Variants in CROCC observed in about 807,000 individuals in gnomAD.
The protein encoded by CROCC is rootletin.
In CROCC, 180 loss-of-function variants were observed where a neutral mutation model predicts 245.2. The ratio of observed to expected loss-of-function variants is 0.73; its 90% CI spans 0.65 to 0.83. The LOEUF (loss-of-function observed/expected upper bound fraction) is 0.83. Among genes scored for constraint, CROCC ranks in the 40% least tolerant of loss-of-function variants. The pLI is 0.00. For synonymous variants in CROCC, 1,205 were observed against 1,241.6 expected (o/e 0.97, Z 0.62); for missense variants, 2,688 against 2,779.4 (o/e 0.97, Z 0.74).
At chr1:16,935,163 GT>G (rs1435174979) in intron 8 of CROCC, among the ~76,000 whole-genome samples, 3 of 152,306 alleles carry the variant, frequency 2.0e-5, no homozygotes, top group South Asian at 4.1e-4. Context: ...GCTTCGCAAA[GT>G]GCTGGGATTA....
At chr1:16,955,904 G>A (rs2076242993) in intron 24 of CROCC, 93 bp from the exon 25 acceptor site, 3 of 1,467,004 alleles carry the variant, frequency 2.0e-6, no homozygotes, top group Non-Finnish European at 2.8e-6. Context: ...GGCAGTGCCT[G>A]ATCCACTCCA....
chr1:16,926,995 G>C (rs1325028151), intron 3 of CROCC, among the ~76,000 whole-genome samples: 4 of 152,264 alleles, frequency 2.6e-5, no homozygotes, highest in African/African-American at 7.2e-5. Context: ...CACTGGAGAA[G>C]GGGGAGGAGA....
In CROCC at chr1:16,924,313, G is replaced by A. The variant is rs764170394; in HGVS notation, c.197-12G>A. ...CCCAGAAGCCAACCATGTGCCCACT[G>A]TCCCTTGCCAGTCCTGCTGCCGGCC... On this transcript the variant is annotated splice_polypyrimidine_tract_variant and intron_variant, in intron 2 of 36. Transcript: ENST00000375541. 2.5e-6 allele frequency: 4 copies of A among 1,610,454 alleles called. No individual in the cohort carries two copies. Among genetic ancestry groups the A allele is most frequent in the African/African-American group, 1.3e-5 (1 of 74,938 alleles).
intron 13 of CROCC, among the ~76,000 whole-genome samples, chr1:16,940,545 C>T (rs2075907366): frequency 6.6e-6 from 1 of 152,260 alleles, no homozygotes; most frequent in Non-Finnish European, 1.5e-5. Flanking sequence ...CACCACCACG[C>T]CCGGCTAATT....
intron 24 of CROCC, 144 bp from the exon 25 acceptor site, chr1:16,955,853 C>A: frequency 9.7e-7 from 1 of 1,030,876 alleles, no homozygotes; most frequent in Non-Finnish European, 1.4e-6. Flanking sequence ...CCCAGCCCTG[C>A]AGGGCTCAGG....
In CROCC at chr1:16,944,269, G is replaced by T. The variant is rs1305852040; in HGVS notation, c.1978G>T (p.Glu660Ter). 1.9e-6 allele frequency: 3 copies of T among 1,541,190 alleles called. No homozygotes were observed. In the East Asian group the frequency reaches 7.3e-5, roughly 38 times the overall value. The change falls in exon 14 of 37, where the codon GAG becomes TAG. Residue 660 changes from glutamate to a stop codon, truncating the protein, a stop_gained. Transcript: ENST00000375541. LOFTEE classifies it high-confidence loss of function. ...GCAGGATGGCGCGCGGGTGCGCCGG[G>T]AGCTTGAGCGCAGGTGAGCAGCATC... ...AVQDGARVRR[E>*]LERSHRQLEQ...
chr1:16,955,845 C>T, intron 24 of CROCC, 152 bp from the exon 25 acceptor site: 1 of 973,292 alleles, frequency 1.0e-6, no homozygotes, highest in Non-Finnish European at 1.5e-6. Context: ...GCCTGGGCCC[C>T]AGCCCTGCAG....
intron 18 of CROCC, 111 bp from the exon 19 acceptor site, chr1:16,948,687 GC>G (rs375819115): frequency 6.5e-7 from 1 of 1,545,128 alleles, no homozygotes; most frequent in South Asian, 1.3e-5. Context: ...TGTGGGCCTG[GC>G]CAGGCAGGTA....
At chr1:16,964,512 C>T (rs1477510870) in intron 27 of CROCC, among the ~76,000 whole-genome samples, 1 of 152,110 alleles carries the variant, frequency 6.6e-6, no homozygotes, top group Non-Finnish European at 1.5e-5. Context: ...CCTCAGCCTC[C>T]TGAGTAGCTG....
rs1437551079 is a variant in CROCC at position 16,930,217 on chromosome 1, A to G, written c.621+10A>G. 2 of 1,587,656 alleles carry G rather than the reference A, an allele frequency of 1.3e-6. No individual in the cohort carries two copies. The highest frequency in any genetic ancestry group is 1.7e-6 in the Non-Finnish European group (2 of 1,167,820). ...GCAGCAGCGGCTGAGGGTGGGTGCC[A>G]GTGTGGGGCAGGGGCAGGCCCTGCC... On this transcript the variant is annotated intron_variant, in intron 5 of 36. Transcript: ENST00000375541.
At chr1:16,918,947 G>A (rs1314880315), upstream of CROCC, among the ~76,000 whole-genome samples, 1 of 151,166 alleles carries the variant, frequency 6.6e-6, no homozygotes, top group Non-Finnish European at 1.5e-5. Context: ...ACGTTGGCCA[G>A]GCTGGTCTAG....
chr1:16,930,836 C>G (rs1287803288), intron 7 of CROCC, among the ~76,000 whole-genome samples: 1 of 152,288 alleles, frequency 6.6e-6, no homozygotes, highest in Non-Finnish European at 1.5e-5. Context: ...TCATTCTCCT[C>G]ATTTTAAAGA....
At chr1:16,916,952 T>C (rs1228303625), upstream of CROCC, among the ~76,000 whole-genome samples, 1 of 152,298 alleles carries the variant, frequency 6.6e-6, no homozygotes, top group African/African-American at 2.4e-5. Context: ...ACCCTGTCTC[T>C]ACTAAAAATA....
Position 16,960,787 on chromosome 1 carries a change from A to G in CROCC, c.4062A>G (p.Glu1354=). ...ELQVAQRKLQ[E]QEGEFRTRER... Reference sequence around the variant, plus strand: ...AGGTAGCCCAGCGGAAGCTGCAGGAACAAGAAGGCGAGTTCCGGACCCGCG... The same window carrying G: ...AGGTAGCCCAGCGGAAGCTGCAGGAGCAAGAAGGCGAGTTCCGGACCCGCG... Residue 1354 remains glutamate, a synonymous_variant, in exon 27 of 37, where the codon GAA becomes GAG. Coordinates refer to ENST00000375541, the MANE Select transcript of CROCC (RefSeq NM_014675.5). The G allele has an allele frequency of 1.3e-6, 2 of 1,542,970 alleles. No homozygotes were observed. The highest frequency in any genetic ancestry group is 2.5e-5 in the East Asian group (1 of 40,708).
In CROCC at chr1:16,930,150, G is replaced by T. The variant is rs149095491; in HGVS notation, c.564G>T (p.Ser188=). 9.6e-4 allele frequency: 1,530 copies of T among 1,594,376 alleles called. 2 individuals are homozygous for T. The African/African-American group carries it at 0.018, about 19-fold the overall frequency. ...TTCTCCAGTACAAGAAGAGGTGCTC[G>T]GAGCTGGAGCAGCAGCTGCTGGAGA... ...GKILQYKKRC[S]ELEQQLLERS... Residue 188 remains serine, a synonymous_variant, in exon 5 of 37, where the codon TCG becomes TCT. Coordinates refer to ENST00000375541, the MANE Select transcript of CROCC (RefSeq NM_014675.5).
rs1333757936 is a variant in CROCC at position 16,955,927 on chromosome 1, G to C, written c.3705-70G>C. On this transcript the variant is annotated intron_variant, in intron 24 of 36. Coordinates refer to ENST00000375541, the MANE Select transcript of CROCC (RefSeq NM_014675.5). ...CTGATCCACTCCAGAAATTGGAGGA[G>C]ACGGCTTTTGTGTAGAGCCACTGAC... The C allele has an allele frequency of 2.6e-6, 4 of 1,529,192 alleles. No homozygotes were observed. In the African/African-American group the frequency reaches 5.5e-5, roughly 21 times the overall value. 94.7% of individuals were successfully genotyped at this position (1,529,192 alleles called of 1,614,324 possible).
In CROCC at chr1:16,938,931, G is replaced by T; in HGVS notation, c.1397G>T (p.Ser466Ile). Reference sequence around the variant, plus strand: ...CAGGCCGTCTTGTCAGACTCTGAGAGCGGCGTCCAGCTGAGCGGCTCTGAG... The same window carrying T: ...CAGGCCGTCTTGTCAGACTCTGAGATCGGCGTCCAGCTGAGCGGCTCTGAG... Reference protein sequence around the residue: ...LAQAVLSDSESGVQLSGSERT... With the variant: ...LAQAVLSDSEIGVQLSGSERT... The change falls in exon 12 of 37, where the codon AGC becomes ATC. Residue 466 changes from serine (S) to isoleucine (I), a missense_variant. Around this residue, in one of 9 missense-constraint regions of CROCC, gnomAD observed 972 missense variants for 895.3 expected, o/e 1.09. Transcript: ENST00000375541. 1 of 1,601,530 alleles carries T rather than the reference G, an allele frequency of 6.2e-7. No homozygotes were observed. The highest frequency in any genetic ancestry group is 8.5e-7 in the Non-Finnish European group (1 of 1,176,692).
intron 3 of CROCC, among the ~76,000 whole-genome samples, chr1:16,925,518 G>C (rs1170804522): frequency 6.6e-6 from 1 of 152,292 alleles, no homozygotes; most frequent in Non-Finnish European, 1.5e-5. Flanking sequence ...TCCTGTGTAT[G>C]GGAAGAGACA....
In CROCC at chr1:16,961,132, T is replaced by A; in HGVS notation, c.4405+2T>A. ...CTGCCCGGGACGCACCCGCAGAAGG[T>A]AAGGGCAGTGCCGCGCGCAGGGAAG... On this transcript the variant is annotated splice_donor_variant, in intron 27 of 36. Coordinates refer to ENST00000375541, the MANE Select transcript of CROCC (RefSeq NM_014675.5). LOFTEE classifies it high-confidence loss of function. 7.5e-7 allele frequency: 1 copy of A among 1,334,256 alleles called. No homozygotes were observed. The allele number at this position is 1,334,256 out of a possible 1,614,324, so 82.7% of individuals were successfully genotyped here.
Sources: allele counts gnomAD v4.1 joint callset (sites outside exome capture counted in the v4.1 genomes callset), GRCh38; gene constraint gnomAD v4.1.1; regional missense constraint gnomAD v4.1.1; transcripts MANE v1.5; gene names NCBI Gene and HGNC (gene_info 2026-07-23, HGNC 2026-07-21).